Variants in MMP26 observed in about 807,000 individuals in gnomAD.
The protein encoded by MMP26 is matrix metallopeptidase 26.
A neutral mutation model predicts 31.0 loss-of-function variants in MMP26; 33 were observed. The ratio of observed to expected loss-of-function variants is 1.06; its 90% CI spans 0.81 to 1.42. The LOEUF is 1.42. Ranked by LOEUF, MMP26 falls within the 40% of genes most tolerant of loss-of-function variation. The pLI is 0.00. For synonymous variants in MMP26, 122 were observed against 114.9 expected (o/e 1.06, Z -0.40); for missense variants, 347 against 316.1 (o/e 1.10, Z -0.74).
intron 2 of MMP26, among the ~76,000 whole-genome samples, chr11:4,852,654 A>G (rs1849991666): frequency 6.6e-6 from 1 of 152,198 alleles, no homozygotes; most frequent in South Asian, 2.1e-4. Context: ...GAAGAATAGT[A>G]TAAAAGTTCT....
At chr11:4,791,956 A>G (rs1222523300) in intron 2 of MMP26, among the ~76,000 whole-genome samples, 1 of 151,990 alleles carries the variant, frequency 6.6e-6, no homozygotes, top group Admixed American at 6.6e-5. Context: ...TTAGAAAAGC[A>G]TAATGTAGTA....
chr11:4,723,766 A>G, intron 1 of MMP26: 4 of 1,492,156 alleles, frequency 2.7e-6, no homozygotes, highest in South Asian at 1.1e-5. Flanking sequence ...CATGTTGTCC[A>G]TGTTGCTCCG....
At chr11:4,718,097 T>C (rs1847960314) in intron 1 of MMP26, among the ~76,000 whole-genome samples, 1 of 152,180 alleles carries the variant, frequency 6.6e-6, no homozygotes, top group African/African-American at 2.4e-5. Context: ...CTGCAGATAG[T>C]AGGGGATCAA....
chr11:4,907,599 C>T (rs780032211), intron 2 of MMP26: 1 of 1,613,832 alleles, frequency 6.2e-7, no homozygotes, highest in Non-Finnish European at 8.5e-7. Flanking sequence ...TCCCTCTCCT[C>T]CCTTCCTACC....
chr11:4,924,251 G>A (rs747232953), intron 2 of MMP26: 1 of 1,614,168 alleles, frequency 6.2e-7, no homozygotes, highest in African/African-American at 1.3e-5. Flanking sequence ...GAAGGGAATA[G>A]AGATCCAGCC....
chr11:4,952,530 C>T (rs1285158813), intron 2 of MMP26, among the ~76,000 whole-genome samples: 1 of 125,576 alleles, frequency 8.0e-6, no homozygotes, highest in African/African-American at 2.7e-5. Context: ...TTGCCCTGAT[C>T]TGATAATAGG....
chr11:4,986,416 T>C (rs373698971), intron 2 of MMP26, among the ~76,000 whole-genome samples: 1 of 151,292 alleles, frequency 6.6e-6, no homozygotes, highest in African/African-American at 2.4e-5. Flanking sequence ...GGCATGATCA[T>C]GGATCACTAC....
intron 2 of MMP26, chr11:4,822,190 C>T (rs748031994): frequency 1.2e-6 from 2 of 1,603,662 alleles, no homozygotes; most frequent in Admixed American, 1.7e-5. Flanking sequence ...CTACCTCCCT[C>T]TCATCAGTTT....
In MMP26 at chr11:4,990,742, G is replaced by A. The variant is rs1276392138; in HGVS notation, c.465G>A (p.Gln155=). 6.2e-7 allele frequency: 1 copy of A among 1,613,934 alleles called. No homozygotes were observed. The highest frequency in any genetic ancestry group is 8.5e-7 in the Non-Finnish European group (1 of 1,179,946). ...CAGACATCAAGGTTTCTTTCTGGCAGTGGGGTAAGAAATTGACATGGGAAG... is the reference window on the plus strand; with the variant it reads ...CAGACATCAAGGTTTCTTTCTGGCAATGGGGTAAGAAATTGACATGGGAAG... ...GDADIKVSFW[Q]WAHEDGWPFD... Residue 155 remains glutamine, a synonymous_variant, in exon 5 of 8, where the codon CAG becomes CAA. Transcript: ENST00000380390.
At chr11:4,935,330 T>G (rs1851421856) in intron 2 of MMP26, among the ~76,000 whole-genome samples, 1 of 151,738 alleles carries the variant, frequency 6.6e-6, no homozygotes, top group African/African-American at 2.4e-5. Context: ...TTTATTCTCT[T>G]TGAAGCAATT....
chr11:4,781,049 C>T (rs562574554), intron 2 of MMP26, among the ~76,000 whole-genome samples: 59 of 152,068 alleles, frequency 3.9e-4, no homozygotes, highest in African/African-American at 1.4e-3. Context: ...TATATGTTTC[C>T]ATTTATATAA....
chr11:4,767,109 A>G (rs183566605), intron 1 of MMP26, among the ~76,000 whole-genome samples, 161 bp from the exon 2 acceptor site: 206 of 152,292 alleles, frequency 1.4e-3, no homozygotes, highest in African/African-American at 4.8e-3. Context: ...TTTATAATCT[A>G]TGTTCACCTG....
At chr11:4,873,578 A>G (rs1850338558) in intron 2 of MMP26, among the ~76,000 whole-genome samples, 1 of 152,152 alleles carries the variant, frequency 6.6e-6, no homozygotes, top group African/African-American at 2.4e-5. Context: ...AATAATATAT[A>G]TGAAAGTAGG....
intron 2 of MMP26, among the ~76,000 whole-genome samples, chr11:4,891,848 T>A (rs1462448465): frequency 6.6e-6 from 1 of 152,162 alleles, no homozygotes; most frequent in East Asian, 1.9e-4. Context: ...AGACATAGTA[T>A]GTCACAGATG....
At chr11:4,968,913 T>C (rs1846630248) in intron 2 of MMP26, among the ~76,000 whole-genome samples, 2 of 152,024 alleles carry the variant, frequency 1.3e-5, no homozygotes, top group Admixed American at 1.3e-4. Flanking sequence ...TACTTTAGAA[T>C]ACAATTACCT....
intron 2 of MMP26, among the ~76,000 whole-genome samples, chr11:4,971,689 G>T (rs1846668168): frequency 6.6e-6 from 1 of 152,122 alleles, no homozygotes; most frequent in South Asian, 2.1e-4. Context: ...TCTCAGTCTA[G>T]GTACTTTATA....
At chr11:4,990,345 G>T (rs988523101) in intron 4 of MMP26, among the ~76,000 whole-genome samples, 3 of 151,986 alleles carry the variant, frequency 2.0e-5, no homozygotes, top group African/African-American at 7.3e-5. Flanking sequence ...CACCAGATAG[G>T]ACTGTCATTC....
intron 2 of MMP26, among the ~76,000 whole-genome samples, chr11:4,881,146 G>T (rs570216629): frequency 6.6e-6 from 1 of 152,204 alleles, no homozygotes; most frequent in South Asian, 2.1e-4. Flanking sequence ...ACCTACCACT[G>T]GCTCCAGAGT....
intron 2 of MMP26, among the ~76,000 whole-genome samples, chr11:4,774,776 C>A (rs1229941667): frequency 6.6e-6 from 1 of 152,082 alleles, no homozygotes; most frequent in African/African-American, 2.4e-5. Context: ...ACATTTAAGT[C>A]TTTAATCCAT....
Sources: allele counts gnomAD v4.1 joint callset (sites outside exome capture counted in the v4.1 genomes callset), GRCh38; gene constraint gnomAD v4.1.1; transcripts MANE v1.5; gene names NCBI Gene and HGNC (gene_info 2026-07-23, HGNC 2026-07-21).